The following GRB10 variants were observed in gnomAD, a reference collection of about 807,000 sequenced individuals.
GRB10 encodes growth factor receptor bound protein 10.
A neutral mutation model predicts 80.9 loss-of-function variants in GRB10; 20 were observed. The ratio of observed to expected loss-of-function variants is 0.25; its 90% CI spans 0.17 to 0.36. The LOEUF (loss-of-function observed/expected upper bound fraction) is 0.36, where lower values mean the gene tolerates loss of function less well. GRB10 is among the 10% of genes least tolerant of loss of function. The probability of loss-of-function intolerance (pLI) is 1.00; values close to 1 mark genes in which losing one functional copy is unlikely to be tolerated. For synonymous variants in GRB10, 291 were observed against 291.5 expected (o/e 1.00, Z 0.02); for missense variants, 548 against 747.7 (o/e 0.73, Z 3.12).
intron 15 of GRB10, 113 bp downstream of exon 15, chr7:50,605,177 A>C (rs566100229): frequency 8.7e-5 from 64 of 733,596 alleles, no homozygotes; most frequent in Non-Finnish European, 1.5e-4. Context: ...ACCCCACCCA[A>C]CATGGCACCC....
intron 4 of GRB10, among the ~76,000 whole-genome samples, chr7:50,729,729 C>T (rs537552724): frequency 2.1e-5 from 3 of 143,482 alleles, no homozygotes; most frequent in African/African-American, 7.5e-5. Context: ...GGAGCCCCCC[C>T]CGAAGACCAA....
chr7:50,750,122 T>C (rs1431690603), intron 3 of GRB10, among the ~76,000 whole-genome samples: 5 of 152,246 alleles, frequency 3.3e-5, no homozygotes, highest in Middle Eastern at 3.4e-3. Flanking sequence ...GGCCTGCAGA[T>C]TGTCTACAGA....
In GRB10 at chr7:50,780,622, C is replaced by G. The variant is rs2078182276; in HGVS notation, c.-217+5G>C. 1.3e-5 allele frequency: 2 copies of G among 152,232 alleles called. No individual in the cohort carries two copies. The highest frequency in any genetic ancestry group is 4.1e-4 in the South Asian group (2 of 4,830). 9.4% of individuals were successfully genotyped at this position (152,232 alleles called of 1,614,324 possible). A position where few individuals can be genotyped will look rare whatever the true frequency, so the allele number is the denominator to read the frequency against. The stretch of plus-strand genomic sequence containing the variant: ...AGCTCAGAGCTGGGGCCTGGGGATA[C>G]ATACCGAGAGGCAGTCAGCTCTGAT... On this transcript the variant is annotated splice_donor_5th_base_variant and intron_variant, in intron 2 of 18. Transcript: ENST00000401949.
chr7:50,745,423 T>C (rs982752806), intron 3 of GRB10, among the ~76,000 whole-genome samples: 1 of 152,192 alleles, frequency 6.6e-6, no homozygotes, highest in Admixed American at 6.5e-5. Context: ...TTTGTACATT[T>C]AAACTATAAA....
chr7:50,724,848 A>C (rs58604067), intron 4 of GRB10, among the ~76,000 whole-genome samples: 91 of 152,280 alleles, frequency 6.0e-4, no homozygotes, highest in African/African-American at 2.1e-3. Flanking sequence ...ACCACAGATA[A>C]ACAGCCTGTC....
intron 4 of GRB10, among the ~76,000 whole-genome samples, chr7:50,726,499 G>A (rs2068678708): frequency 6.6e-6 from 1 of 152,046 alleles, no homozygotes; most frequent in Admixed American, 6.5e-5. Flanking sequence ...ACTTGAGGAT[G>A]ATGATGTTTG....
chr7:50,688,774 G>A (rs2062413813), intron 5 of GRB10, among the ~76,000 whole-genome samples: 1 of 152,016 alleles, frequency 6.6e-6, no homozygotes. Flanking sequence ...TGACAAGGGT[G>A]GGGGTCGGGT....
Position 50,616,198 on chromosome 7 carries a change from T to G in GRB10, c.984+12A>C, listed in dbSNP as rs755087835. 1.2e-6 allele frequency: 2 copies of G among 1,614,166 alleles called. No individual in the cohort carries two copies. Among genetic ancestry groups the G allele is most frequent in the Non-Finnish European group, 1.7e-6 (2 of 1,180,010 alleles). ...AGAATTAGGGCTGGTGGTGGTAGCT[T>G]TTAAAGCTCACCTTTGAAGTTCCCT... On this transcript the variant is annotated intron_variant, in intron 11 of 18. Coordinates refer to ENST00000401949, the MANE Select transcript of GRB10 (RefSeq NM_001350814.2).
chr7:50,775,261 A>ACCAAATCC (rs1365204675), intron 2 of GRB10, among the ~76,000 whole-genome samples: 2 of 152,056 alleles, frequency 1.3e-5, no homozygotes, highest in Non-Finnish European at 2.9e-5. Context: ...ACATTTCCCA[A>ACCAAATCC]CCAAATCCAA....
At chr7:50,738,074 C>T (rs971217976) in intron 3 of GRB10, among the ~76,000 whole-genome samples, 1 of 152,162 alleles carries the variant, frequency 6.6e-6, no homozygotes, top group Non-Finnish European at 1.5e-5. Context: ...CAAGATACCA[C>T]CTGACACTCA....
intron 7 of GRB10, among the ~76,000 whole-genome samples, chr7:50,629,063 G>T (rs1322253703): frequency 6.6e-6 from 1 of 152,124 alleles, no homozygotes; most frequent in Non-Finnish European, 1.5e-5. Flanking sequence ...ATGTCTTCAG[G>T]ACCAGTGCAT....
intron 5 of GRB10, among the ~76,000 whole-genome samples, chr7:50,697,208 C>G (rs552354377): frequency 9.8e-4 from 149 of 152,278 alleles, no homozygotes; most frequent in Middle Eastern, 3.4e-3. Flanking sequence ...GTTTTGGAAA[C>G]AGATAAATGG....
At chr7:50,781,440 CAG>C (rs1022820249) in intron 1 of GRB10, 2 of 152,332 alleles carry the variant, frequency 1.3e-5, no homozygotes, top group African/African-American at 2.4e-5. Context: ...ATCAAAGGAG[CAG>C]AGACACGCAG....
chr7:50,705,650 A>G lies in GRB10; in HGVS notation c.52-1742T>C, dbSNP rs555900164. 2.0e-5 allele frequency among the ~76,000 whole-genome samples: 3 copies of G among 152,350 alleles called. No individual in the cohort carries two copies. The East Asian group carries it at 5.8e-4, about 29-fold the overall frequency. On this transcript the variant is annotated intron_variant, in intron 4 of 18. Transcript: ENST00000401949. ...TCCTGATAAACACTGAATCATAATT[A>G]TCTTCCACATATTGTGTTTTAATAT...
At position 50,669,795 on chromosome 7, in the gene GRB10, T is replaced by G; in HGVS notation, c.431A>C (p.Glu144Ala). 6.2e-7 allele frequency: 1 copy of G among 1,613,980 alleles called. No homozygotes were observed. Among genetic ancestry groups the G allele is most frequent in the Non-Finnish European group, 8.5e-7 (1 of 1,180,002 alleles). ...AGGGGGGCTCCCAGGGCCACAGAGTTCAGGAAAAGGATTGGGGATGGCCGG... is the reference window on the plus strand; with the variant it reads ...AGGGGGGCTCCCAGGGCCACAGAGTGCAGGAAAAGGATTGGGGATGGCCGG... Reference protein sequence around the residue: ...SLPAIPNPFPELCGPGSPPVL... With the variant: ...SLPAIPNPFPALCGPGSPPVL... Residue 144 changes from glutamate (E) to alanine (A), a missense_variant, in exon 7 of 19, where the codon GAA (glutamate) becomes GCA (alanine). This residue lies in a region of GRB10 where 245 missense variants were observed against 229.3 expected (regional missense o/e 1.07). Transcript: ENST00000401949.
chr7:50,684,542 G>C (rs919235321), intron 5 of GRB10, among the ~76,000 whole-genome samples: 1 of 152,096 alleles, frequency 6.6e-6, no homozygotes, highest in Non-Finnish European at 1.5e-5. Flanking sequence ...GATCCCGTCA[G>C]GCCCTTTATG....
At chr7:50,725,150 G>A (rs1426867185) in intron 4 of GRB10, among the ~76,000 whole-genome samples, 1 of 152,186 alleles carries the variant, frequency 6.6e-6, no homozygotes, top group Non-Finnish European at 1.5e-5. Flanking sequence ...CCCCAAGGTT[G>A]GAGGAGGAGC....
chr7:50,616,772 T>C (rs926016437), intron 10 of GRB10, among the ~76,000 whole-genome samples: 17 of 152,262 alleles, frequency 1.1e-4, no homozygotes, highest in Admixed American at 1.1e-3. Context: ...CCGCAAGTGA[T>C]GCACCCAGGT....
chr7:50,701,397 G>A (rs1217705170), intron 5 of GRB10, among the ~76,000 whole-genome samples: 1 of 152,066 alleles, frequency 6.6e-6, no homozygotes, highest in Non-Finnish European at 1.5e-5. Context: ...TTCGAGACAA[G>A]CCTGGGAAGC....
Sources: gnomAD v4.1 joint callset for allele counts (sites outside exome capture counted in the v4.1 genomes callset) on GRCh38, gnomAD v4.1.1 for gene constraint, gnomAD v4.1.1 regional missense constraint, MANE v1.5 for transcripts, NCBI Gene and HGNC (gene_info 2026-07-23, HGNC 2026-07-21) for gene names.